The following TMEM217 variants were observed in gnomAD, a reference collection of about 807,000 sequenced individuals.
The protein encoded by TMEM217 is chromosome 6 open reading frame 128.
For missense variants in TMEM217, 204 were observed against 248.8 expected (o/e 0.82, Z 1.21); for synonymous variants, 76 against 88.3 (o/e 0.86, Z 0.78).
intron 1 of TMEM217, among the ~76,000 whole-genome samples, chr6:37,243,002 G>A (rs2113894138): frequency 6.6e-6 from 1 of 152,270 alleles, no homozygotes; most frequent in East Asian, 1.9e-4. Flanking sequence ...TGCAGGAGAG[G>A]CTGGGAAAGC....
chr6:37,216,018 T>TGC, downstream of TMEM217, among the ~76,000 whole-genome samples: 1 of 150,428 alleles, frequency 6.6e-6, no homozygotes, highest in African/African-American at 2.5e-5. Context: ...TGTGTGTGTG[T>TGC]GTGTGTGTGT....
exon 2 of TMEM217, chr6:37,219,034 G>T: frequency 1.9e-6 from 3 of 1,610,666 alleles, no homozygotes; most frequent in Non-Finnish European, 2.5e-6. Flanking sequence ...GTTTCATGCT[G>T]AGACCTCCTG....
downstream of TMEM217, among the ~76,000 whole-genome samples, chr6:37,215,815 A>T (rs1383447344): frequency 1.3e-5 from 2 of 152,096 alleles, no homozygotes; most frequent in Non-Finnish European, 1.5e-5. Context: ...CCAGCAAAGG[A>T]GACAACACAA....
At chr6:37,216,986 C>T (rs574293374), downstream of TMEM217, among the ~76,000 whole-genome samples, 6 of 152,240 alleles carry the variant, frequency 3.9e-5, no homozygotes, top group South Asian at 1.2e-3. Context: ...TAAATCTCAG[C>T]TCTTTATAAA....
chr6:37,253,359 C>A (rs1278925531), intron 1 of TMEM217, among the ~76,000 whole-genome samples: 1 of 152,184 alleles, frequency 6.6e-6, no homozygotes, highest in African/African-American at 2.4e-5. Flanking sequence ...ATGGTGACTT[C>A]TTTTCTTAGA....
intron 1 of TMEM217, among the ~76,000 whole-genome samples, chr6:37,255,185 A>G (rs1765649471): frequency 6.6e-6 from 1 of 152,200 alleles, no homozygotes; most frequent in Non-Finnish European, 1.5e-5. Flanking sequence ...CGCTTTAAAG[A>G]AAAATAGAGC....
intron 1 of TMEM217, among the ~76,000 whole-genome samples, chr6:37,243,787 T>G (rs1764916817): frequency 1.3e-5 from 2 of 152,120 alleles, no homozygotes; most frequent in Admixed American, 1.3e-4. Flanking sequence ...GATAGTTTGG[T>G]GAGCAGAGGA....
At chr6:37,216,759 G>T (rs2113805183), downstream of TMEM217, among the ~76,000 whole-genome samples, 1 of 152,284 alleles carries the variant, frequency 6.6e-6, no homozygotes, top group South Asian at 2.1e-4. Context: ...CCTTTAGGAG[G>T]TGATTGAATC....
At chr6:37,235,539 C>G (rs1764454549) in intron 1 of TMEM217, among the ~76,000 whole-genome samples, 2 of 151,906 alleles carry the variant, frequency 1.3e-5, no homozygotes, top group Middle Eastern at 6.8e-3. Context: ...CTAATTTTTT[C>G]TATTTTTTAG....
exon 2 of TMEM217, chr6:37,218,169 C>CTTTTTTT: frequency 9.9e-7 from 1 of 1,014,160 alleles, no homozygotes; most frequent in Non-Finnish European, 1.2e-6. Flanking sequence ...AAGCTGCTAA[C>CTTTTTTT]TTTTTTTTTT....
At chr6:37,255,551 T>TA (rs1247992196) in intron 1 of TMEM217, among the ~76,000 whole-genome samples, 3 of 151,910 alleles carry the variant, frequency 2.0e-5, no homozygotes, top group Non-Finnish European at 4.4e-5. Context: ...GCCATGGTGG[T>TA]ATGTGCCTGT....
intron 1 of TMEM217, among the ~76,000 whole-genome samples, chr6:37,223,730 A>AACTCCTG (rs1198649010): frequency 6.6e-6 from 1 of 152,090 alleles, no homozygotes; most frequent in African/African-American, 2.4e-5. Context: ...GCTGCTCTCA[A>AACTCCTG]ACTCCTGACC....
downstream of TMEM217, among the ~76,000 whole-genome samples, chr6:37,216,370 C>T (rs532409023): frequency 5.3e-5 from 8 of 152,200 alleles, no homozygotes; most frequent in East Asian, 1.2e-3. Context: ...TGAGCCCCTG[C>T]GCCTGGCCCG....
At chr6:37,233,708 C>T (rs1339776300) in intron 1 of TMEM217, among the ~76,000 whole-genome samples, 1 of 152,194 alleles carries the variant, frequency 6.6e-6, no homozygotes, top group Non-Finnish European at 1.5e-5. Flanking sequence ...AGTCCAAAAA[C>T]CATCACGTCT....
At chr6:37,252,038 C>T (rs1013071554) in intron 1 of TMEM217, among the ~76,000 whole-genome samples, 2 of 152,268 alleles carry the variant, frequency 1.3e-5, no homozygotes, top group South Asian at 4.1e-4. Context: ...GGATTACAGG[C>T]ATGCGCCACC....
chr6:37,215,126 T>C (rs1763111875), downstream of TMEM217: 1 of 1,591,652 alleles, frequency 6.3e-7, no homozygotes, highest in South Asian at 1.1e-5. Context: ...TGGGTCACTA[T>C]AATAATGGCC....
At chr6:37,232,107 GGA>G (rs1364319473) in intron 1 of TMEM217, among the ~76,000 whole-genome samples, 1 of 152,092 alleles carries the variant, frequency 6.6e-6, no homozygotes, top group African/African-American at 2.4e-5. Flanking sequence ...TTGTTGGGGG[GGA>G]GAGAGGGGTG....
exon 1 of TMEM217, chr6:37,257,587 G>C (rs1433618935): frequency 2.6e-6 from 1 of 387,368 alleles, no homozygotes; most frequent in Non-Finnish European, 4.7e-6. Context: ...CCCTCTCGCG[G>C]GTAGGAACTT....
intron 1 of TMEM217, among the ~76,000 whole-genome samples, chr6:37,250,409 GTATGA>G (rs1433551346): frequency 1.3e-5 from 2 of 152,172 alleles, no homozygotes; most frequent in African/African-American, 4.8e-5. Flanking sequence ...TCTCTTGTGT[GTATGA>G]TATATTTAGC....
Sources: gnomAD v4.1 joint callset for allele counts (sites outside exome capture counted in the v4.1 genomes callset) on GRCh38, gnomAD v4.1.1 for gene constraint, MANE v1.5 for transcripts, NCBI Gene and HGNC (gene_info 2026-07-23, HGNC 2026-07-21) for gene names.